ACSS3: variants seen among roughly 807,000 people sequenced by gnomAD.
The protein encoded by ACSS3 is acyl-CoA synthetase short chain family member 3.
In ACSS3, 64 loss-of-function variants were observed where a neutral mutation model predicts 84.2. The ratio of observed to expected loss-of-function variants is 0.76; its 90% confidence interval spans 0.62 to 0.94. The LOEUF is 0.94. Among genes scored for constraint, ACSS3 ranks in the 40% least tolerant of loss-of-function variants. The pLI, the probability that ACSS3 is intolerant of heterozygous loss-of-function variation, is 0.00. For synonymous variants in ACSS3, 317 were observed against 310.1 expected (o/e 1.02, Z -0.23); for missense variants, 815 against 867.6 (o/e 0.94, Z 0.76).
At chr12:81,078,749 A>G (rs150946629) in intron 1 of ACSS3, among the ~76,000 whole-genome samples, 177 of 152,300 alleles carry the variant, frequency 1.2e-3, no homozygotes, top group Non-Finnish European at 2.0e-3. Context: ...CGCACAGTCT[A>G]GTAAGGGAGA....
At chr12:81,175,063 T>C in intron 8 of ACSS3, 124 bp downstream of exon 8, 1 of 1,041,488 alleles carries the variant, frequency 9.6e-7, no homozygotes, top group Non-Finnish European at 1.3e-6. Flanking sequence ...CAGAGTGTTA[T>C]TAAGAACAAC....
chr12:81,141,753 G>A (rs544816769), intron 4 of ACSS3, among the ~76,000 whole-genome samples: 5 of 152,220 alleles, frequency 3.3e-5, no homozygotes, highest in African/African-American at 1.2e-4. Context: ...TCAAAAGTTT[G>A]ATAATTTGCA....
intron 9 of ACSS3, among the ~76,000 whole-genome samples, chr12:81,203,131 A>G (rs1211030577): frequency 6.6e-6 from 1 of 152,138 alleles, no homozygotes; most frequent in African/African-American, 2.4e-5. Context: ...TCAGGGGGCC[A>G]CTTATATAAG....
At chr12:81,121,199 G>C (rs769038804) in intron 2 of ACSS3, among the ~76,000 whole-genome samples, 6 of 152,134 alleles carry the variant, frequency 3.9e-5, no homozygotes, top group Admixed American at 3.9e-4. Context: ...AGGTTAACAG[G>C]AACATTGCCC....
At chr12:81,244,959 T>G (rs543280601) in intron 13 of ACSS3, among the ~76,000 whole-genome samples, 3 of 152,150 alleles carry the variant, frequency 2.0e-5, no homozygotes, top group African/African-American at 7.2e-5. Context: ...TTATTTTACC[T>G]TTTAGTATGC....
intron 8 of ACSS3, among the ~76,000 whole-genome samples, chr12:81,183,365 T>G (rs1010115609): frequency 1.3e-5 from 2 of 151,988 alleles, no homozygotes; most frequent in African/African-American, 4.8e-5. Context: ...CTACAGAAAT[T>G]ATCAAATAAC....
chr12:81,077,926 C>A, upstream of ACSS3: 1 of 581,876 alleles, frequency 1.7e-6, no homozygotes, highest in Non-Finnish European at 2.8e-6. Context: ...TGTCCCGGGG[C>A]CCCCACTTTA....
At chr12:81,161,041 A>G (rs1211159705) in intron 7 of ACSS3, among the ~76,000 whole-genome samples, 1 of 152,256 alleles carries the variant, frequency 6.6e-6, no homozygotes, top group Non-Finnish European at 1.5e-5. Flanking sequence ...ATTCAAAAAC[A>G]CAAATGTATT....
chr12:81,158,644 C>T (rs1226022829), intron 7 of ACSS3, among the ~76,000 whole-genome samples: 1 of 152,040 alleles, frequency 6.6e-6, no homozygotes, highest in Non-Finnish European at 1.5e-5. Flanking sequence ...GTCTAATGTA[C>T]CACATGCTCC....
At chr12:81,099,962 C>G (rs561178289) in intron 1 of ACSS3, among the ~76,000 whole-genome samples, 143 of 152,280 alleles carry the variant, frequency 9.4e-4, no homozygotes, top group African/African-American at 3.0e-3. Flanking sequence ...CACACGTTCA[C>G]TGACTTAGCT....
intron 13 of ACSS3, among the ~76,000 whole-genome samples, chr12:81,249,136 A>T (rs1390263407): frequency 6.6e-6 from 1 of 152,058 alleles, no homozygotes; most frequent in Non-Finnish European, 1.5e-5. Flanking sequence ...ATTGAGCTAG[A>T]CATTTAGGAA....
chr12:81,138,201 T>C (rs1333243316), intron 3 of ACSS3, among the ~76,000 whole-genome samples: 1 of 152,216 alleles, frequency 6.6e-6, no homozygotes, highest in East Asian at 1.9e-4. Flanking sequence ...TTGGATTTCT[T>C]GGTGAAGAAA....
rs567550679 is a variant in ACSS3 at position 81,134,988 on chromosome 12, G to T, written c.629G>T (p.Arg210Leu). 1.9e-6 allele frequency: 3 copies of T among 1,599,034 alleles called. No individual in the cohort carries two copies. The highest frequency in any genetic ancestry group is 1.7e-5 in the Admixed American group (1 of 58,522). Residue 210 changes from arginine to leucine, a missense_variant, in exon 3 of 16, where the codon CGC (arginine) becomes CTC (leucine). Arg to Leu is a moderately radical substitution (Grantham distance 102). Coordinates refer to ENST00000548058, the MANE Select transcript of ACSS3 (RefSeq NM_024560.4). ...TTTGCTTCCAAAGAACTAAGTAGTC[G>T]CATTGATCATGTAAAGGTAAGTGCT... The part of the protein sequence containing the change: ...GGFASKELSS[R>L]IDHVKPKVVV...
At chr12:81,110,915 A>T (rs1471310466) in intron 2 of ACSS3, among the ~76,000 whole-genome samples, 2 of 152,172 alleles carry the variant, frequency 1.3e-5, no homozygotes, top group African/African-American at 2.4e-5. Context: ...AGAAAGTTTC[A>T]TCAACTCTCC....
chr12:81,213,498 C>A (rs574899504), intron 9 of ACSS3, among the ~76,000 whole-genome samples: 67 of 151,674 alleles, frequency 4.4e-4, no homozygotes, highest in Admixed American at 5.9e-4. Context: ...GCTTAGAGTC[C>A]TAGGAACTGC....
At chr12:81,226,202 T>G (rs184809981) in intron 11 of ACSS3, among the ~76,000 whole-genome samples, 109 of 152,026 alleles carry the variant, frequency 7.2e-4, no homozygotes, top group African/African-American at 2.6e-3. Context: ...CAAACAAAAT[T>G]TACACTTCAT....
chr12:81,224,120 C>T (rs556461269), intron 11 of ACSS3, among the ~76,000 whole-genome samples: 2 of 151,998 alleles, frequency 1.3e-5, no homozygotes, highest in African/African-American at 4.8e-5. Flanking sequence ...CCAAAACTCC[C>T]TCTTTCACTC....
chr12:81,087,532 G>T (rs927056520), intron 1 of ACSS3, among the ~76,000 whole-genome samples: 1 of 149,480 alleles, frequency 6.7e-6, no homozygotes, highest in Non-Finnish European at 1.5e-5. Flanking sequence ...AATTTAGTAA[G>T]ACTAAAAAAA....
intron 8 of ACSS3, among the ~76,000 whole-genome samples, chr12:81,177,820 G>A (rs958625872): frequency 2.0e-5 from 3 of 152,156 alleles, no homozygotes; most frequent in Non-Finnish European, 4.4e-5. Flanking sequence ...AACAACAGGT[G>A]CTGGAGAGGA....
Sources: allele counts gnomAD v4.1 joint callset (sites outside exome capture counted in the v4.1 genomes callset), GRCh38; gene constraint gnomAD v4.1.1; transcripts MANE v1.5; gene names NCBI Gene and HGNC (gene_info 2026-07-23, HGNC 2026-07-21).